PAPPA: variants seen among roughly 807,000 people sequenced by gnomAD.
PAPPA encodes pappalysin-1.
PAPPA carries 60 observed loss-of-function variants against 164.0 expected under a neutral mutation model. That is an observed-to-expected ratio of 0.37 (90% CI 0.30 to 0.45). The LOEUF is 0.45. PAPPA is among the 20% of genes least tolerant of loss of function. The pLI, the probability that PAPPA is intolerant of heterozygous loss-of-function variation, is 1.00. For synonymous variants in PAPPA, 875 were observed against 814.1 expected (o/e 1.07, Z -1.27); for missense variants, 1,782 against 2,087.3 (o/e 0.85, Z 2.85).
At chr9:116,373,819 G>A (rs908580645) in intron 19 of PAPPA, 2 of 152,138 alleles carry the variant, frequency 1.3e-5, no homozygotes, top group Non-Finnish European at 2.9e-5. Flanking sequence ...ATTGCTGACT[G>A]TCACTACCTA....
intron 21 of PAPPA, among the ~76,000 whole-genome samples, chr9:116,384,635 G>A (rs1056274095): frequency 9.2e-5 from 14 of 151,868 alleles, no homozygotes; most frequent in African/African-American, 2.9e-4. Context: ...GCTCATGAGC[G>A]TCTTTGCACA....
At chr9:116,323,646 C>G (rs1224971141) in intron 10 of PAPPA, among the ~76,000 whole-genome samples, 5 of 152,188 alleles carry the variant, frequency 3.3e-5, no homozygotes, top group Non-Finnish European at 7.3e-5. Context: ...AAAAAGGTGT[C>G]TTGGAAATTA....
At chr9:116,208,045 G>T (rs1160487467) in intron 3 of PAPPA, among the ~76,000 whole-genome samples, 1 of 152,156 alleles carries the variant, frequency 6.6e-6, no homozygotes, top group Non-Finnish European at 1.5e-5. Context: ...AGACACCAAA[G>T]AGGCAAGAAA....
intron 1 of PAPPA, among the ~76,000 whole-genome samples, chr9:116,163,490 T>G (rs2118978486): frequency 6.6e-6 from 1 of 152,310 alleles, no homozygotes; most frequent in East Asian, 1.9e-4. Flanking sequence ...TTTAGGCAAG[T>G]CACTCTCCCT....
intron 1 of PAPPA, among the ~76,000 whole-genome samples, chr9:116,170,478 C>T (rs1016283213): frequency 6.6e-6 from 1 of 152,098 alleles, no homozygotes; most frequent in Admixed American, 6.5e-5. Context: ...AGTGGTCCTG[C>T]CCATAAGTAT....
chr9:116,157,238 G>T (rs945082763), intron 1 of PAPPA, among the ~76,000 whole-genome samples: 1 of 152,120 alleles, frequency 6.6e-6, no homozygotes, highest in Non-Finnish European at 1.5e-5. Flanking sequence ...TCCCAGATCC[G>T]CCCGGGATGC....
At chr9:116,355,147 TCCCCACAC>T (rs1208155141) in intron 17 of PAPPA, among the ~76,000 whole-genome samples, 1 of 152,048 alleles carries the variant, frequency 6.6e-6, no homozygotes. Context: ...TCATTCCACA[TCCCCACAC>T]TAGGCTGTGA....
chr9:116,353,670 A>T lies in PAPPA; in HGVS notation c.4224A>T (p.Gly1408=). 6.2e-7 allele frequency: 1 copy of T among 1,613,896 alleles called. No individual in the cohort carries two copies. The highest frequency in any genetic ancestry group is 8.5e-7 in the Non-Finnish European group (1 of 1,179,972). The part of the protein sequence containing the change: ...QCTQDGSWQE[G]ACVPVTCDPP... ...CCCAGGATGGCAGCTGGCAGGAGGG[A>T]GCTTGTGTTCCTGTGACCTGTGACC... Residue 1408 remains glycine, a synonymous_variant, in exon 17 of 22, where the codon GGA becomes GGT. Transcript: ENST00000328252.
rs551011248 is a variant in PAPPA at position 116,168,275 on chromosome 9, T to C, written c.415+13688T>C. Among the ~76,000 whole-genome samples, 15 of 152,318 alleles carry C rather than the reference T, an allele frequency of 9.8e-5. No homozygotes were observed. In the South Asian group the frequency reaches 2.9e-3, roughly 29 times the overall value. The stretch of plus-strand genomic sequence containing the variant: ...ACCATTCACCCTTCTATTTCATATG[T>C]AGTTATTCAGCAATTTTTATATATT... On this transcript the variant is annotated intron_variant, in intron 1 of 21. Coordinates refer to ENST00000328252, the MANE Select transcript of PAPPA (RefSeq NM_002581.5).
At chr9:116,272,546 A>G (rs1166840486) in intron 9 of PAPPA, among the ~76,000 whole-genome samples, 2 of 152,182 alleles carry the variant, frequency 1.3e-5, no homozygotes, top group African/African-American at 4.8e-5. Flanking sequence ...TCAATTCTCA[A>G]CACGCATTTG....
chr9:116,256,342 A>ATT (rs899924292), intron 7 of PAPPA, among the ~76,000 whole-genome samples: 1 of 151,986 alleles, frequency 6.6e-6, no homozygotes, highest in Non-Finnish European at 1.5e-5. Flanking sequence ...GAAGAGACAA[A>ATT]TAATGGAAAT....
At chr9:116,331,913 G>T (rs1845997432) in intron 11 of PAPPA, among the ~76,000 whole-genome samples, 1 of 152,236 alleles carries the variant, frequency 6.6e-6, no homozygotes, top group Non-Finnish European at 1.5e-5. Context: ...AAAGATAACA[G>T]TATGCACCTT....
intron 7 of PAPPA, among the ~76,000 whole-genome samples, chr9:116,259,430 T>C (rs2118798845): frequency 6.6e-6 from 1 of 152,228 alleles, no homozygotes; most frequent in African/African-American, 2.4e-5. Flanking sequence ...CCAGTATATG[T>C]AAATATACTT....
chr9:116,256,187 G>T (rs1844925602), intron 7 of PAPPA, among the ~76,000 whole-genome samples: 1 of 151,796 alleles, frequency 6.6e-6, no homozygotes, highest in South Asian at 2.1e-4. Flanking sequence ...CAAAATAAGG[G>T]TCAGTAAACA....
chr9:116,379,708 A>G (rs1419836303), intron 20 of PAPPA, among the ~76,000 whole-genome samples: 1 of 152,246 alleles, frequency 6.6e-6, no homozygotes, highest in Non-Finnish European at 1.5e-5. Flanking sequence ...GGAGATAGAC[A>G]ATTAAAGAGA....
intron 5 of PAPPA, among the ~76,000 whole-genome samples, chr9:116,222,636 TA>T (rs200197004): frequency 6.6e-6 from 1 of 151,764 alleles, no homozygotes; most frequent in Admixed American, 6.6e-5. Context: ...ATGTGGAATC[TA>T]AAAAAAATGA....
At chr9:116,197,449 C>T (rs1844122121) in intron 2 of PAPPA, among the ~76,000 whole-genome samples, 1 of 152,156 alleles carries the variant, frequency 6.6e-6, no homozygotes, top group Non-Finnish European at 1.5e-5. Flanking sequence ...TTCTCAAGTC[C>T]CAGCAGTGGC....
chr9:116,201,577 C>A (rs1844171335), intron 2 of PAPPA, among the ~76,000 whole-genome samples: 2 of 152,198 alleles, frequency 1.3e-5, no homozygotes, highest in African/African-American at 4.8e-5. Context: ...CAGAATTCTG[C>A]ATCTCGAGGG....
chr9:116,190,918 G>GA (rs1177313766), intron 2 of PAPPA, among the ~76,000 whole-genome samples: 3 of 152,224 alleles, frequency 2.0e-5, no homozygotes, highest in Non-Finnish European at 2.9e-5. Flanking sequence ...GTGAGGCTGG[G>GA]ATTTTCTGGG....
Sources: gnomAD v4.1 joint callset for allele counts (sites outside exome capture counted in the v4.1 genomes callset) on GRCh38, gnomAD v4.1.1 for gene constraint, MANE v1.5 for transcripts, NCBI Gene and HGNC (gene_info 2026-07-23, HGNC 2026-07-21) for gene names.